WNT3A: variants seen among roughly 807,000 people sequenced by gnomAD.
WNT3A encodes the protein protein Wnt-3a.
A neutral mutation model predicts 37.0 loss-of-function variants in WNT3A; 17 were observed. The ratio of observed to expected loss-of-function variants is 0.46; its 90% CI spans 0.31 to 0.69. WNT3A has a LOEUF of 0.69. WNT3A is among the 30% of genes least tolerant of loss of function. WNT3A has a pLI of 0.05. For missense variants in WNT3A, 411 were observed against 510.2 expected (o/e 0.81, Z 1.87); for synonymous variants, 187 against 211.0 (o/e 0.89, Z 0.99).
At chr1:228,010,321 G>A (rs1298706393) in intron 1 of WNT3A, among the ~76,000 whole-genome samples, 1 of 152,074 alleles carries the variant, frequency 6.6e-6, no homozygotes, top group Non-Finnish European at 1.5e-5. Flanking sequence ...CTAGAGGTGG[G>A]CCTGTGCCTC....
chr1:228,029,318 G>A (rs2030939224), intron 2 of WNT3A, among the ~76,000 whole-genome samples: 2 of 152,224 alleles, frequency 1.3e-5, no homozygotes, highest in African/African-American at 2.4e-5. Context: ...GGAGCATCAA[G>A]GTCACCTTGG....
At chr1:228,029,748 C>A (rs536508366) in intron 2 of WNT3A, among the ~76,000 whole-genome samples, 7 of 151,500 alleles carry the variant, frequency 4.6e-5, no homozygotes, top group South Asian at 2.1e-4. Context: ...CCACCCCCCC[C>A]CCAATTCCTA....
intron 2 of WNT3A, among the ~76,000 whole-genome samples, chr1:228,043,588 T>C (rs1407631807): frequency 6.6e-6 from 1 of 152,192 alleles, no homozygotes; most frequent in Non-Finnish European, 1.5e-5. Context: ...ACAAAGGTGT[T>C]TGTGGTAGAG....
chr1:228,024,785 T>G (rs562162274), intron 2 of WNT3A, among the ~76,000 whole-genome samples: 21 of 152,354 alleles, frequency 1.4e-4, no homozygotes, highest in African/African-American at 5.1e-4. Context: ...TACTTTGAAG[T>G]ATTTAATCTA....
intron 1 of WNT3A, among the ~76,000 whole-genome samples, chr1:228,017,074 T>C (rs1279811760): frequency 1.3e-5 from 2 of 152,224 alleles, no homozygotes; most frequent in African/African-American, 4.8e-5. Context: ...CAGTGGCCCC[T>C]GGAGGCCAAC....
chr1:228,057,319 T>C (rs182887346), intron 3 of WNT3A, among the ~76,000 whole-genome samples: 28 of 152,272 alleles, frequency 1.8e-4, no homozygotes, highest in Admixed American at 1.0e-3. Context: ...CCACCCACCA[T>C]GGCTAGAGGC....
rs372028354 is a variant in WNT3A at position 228,038,638 on chromosome 1, C to T, written c.314-12018C>T. On this transcript the variant is annotated intron_variant, in intron 2 of 3. Transcript: ENST00000284523. The surrounding 1 kb of genome is among the most constrained non-coding windows in gnomAD (Gnocchi z 5.7). ...TGGGGGCAGCACCAGGAGGGAGGGA[C>T]CCAATGCATTCGGGGTGGCCACTGT... Among the ~76,000 whole-genome samples the T allele has an allele frequency of 3.3e-5, 5 of 152,158 alleles. No homozygotes were observed. Among genetic ancestry groups the T allele is most frequent in the African/African-American group, 9.7e-5 (4 of 41,436 alleles).
chr1:228,038,075 G>A lies in WNT3A; in HGVS notation c.314-12581G>A, dbSNP rs1042566333. 6.6e-5 allele frequency among the ~76,000 whole-genome samples: 10 copies of A among 151,954 alleles called. No individual in the cohort carries two copies. Among genetic ancestry groups the A allele is most frequent in the Non-Finnish European group, 1.3e-4 (9 of 67,936 alleles). ...GCGGGTCAGCACGGCGCCCGGCCGC[G>A]CGGGCCGCCCGGCGGTGTCAGGGGC... On this transcript the variant is annotated intron_variant, in intron 2 of 3. Transcript: ENST00000284523. This position sits in a 1 kb window ranked among gnomAD's most constrained non-coding sequence, Gnocchi z 5.7.
intron 1 of WNT3A, among the ~76,000 whole-genome samples, chr1:228,011,531 C>T (rs1229498233): frequency 6.6e-6 from 1 of 152,158 alleles, no homozygotes; most frequent in Admixed American, 6.5e-5. Context: ...CTGTCTGTCT[C>T]TCTCTCTTCC....
At chr1:228,018,758 A>G (rs1309468881) in intron 1 of WNT3A, among the ~76,000 whole-genome samples, 4 of 152,198 alleles carry the variant, frequency 2.6e-5, no homozygotes, top group Non-Finnish European at 5.9e-5. Flanking sequence ...CTGGTGGCCC[A>G]GTGAGCCTCC....
chr1:228,028,291 A>C (rs939583386), intron 2 of WNT3A, among the ~76,000 whole-genome samples: 3 of 112,814 alleles, frequency 2.7e-5, no homozygotes, highest in African/African-American at 9.9e-5. Context: ...GGTTACATAT[A>C]ATTTTTTTTT....
In WNT3A at chr1:228,007,268, C is replaced by A; in HGVS notation, c.71+69C>A. ...GCCCGCAGCAGACGGTCCCCTCGGGCAGGGACCCCGCGGTGGCCCGAGCCC... is the reference window on the plus strand; with the variant it reads ...GCCCGCAGCAGACGGTCCCCTCGGGAAGGGACCCCGCGGTGGCCCGAGCCC... On this transcript the variant is annotated intron_variant, in intron 1 of 3. Transcript: ENST00000284523. The surrounding 1 kb of genome is among the most constrained non-coding windows in gnomAD (Gnocchi z 6.0). 6.7e-7 allele frequency: 1 copy of A among 1,496,182 alleles called. No individual in the cohort carries two copies. The highest frequency in any genetic ancestry group is 9.1e-7 in the Non-Finnish European group (1 of 1,102,432). 92.7% of individuals were successfully genotyped at this position (1,496,182 alleles called of 1,614,324 possible). A position where few individuals can be genotyped will look rare whatever the true frequency, so the allele number is the denominator to read the frequency against.
intron 2 of WNT3A, among the ~76,000 whole-genome samples, chr1:228,044,551 A>G (rs2031359254): frequency 6.6e-6 from 1 of 152,172 alleles, no homozygotes; most frequent in Non-Finnish European, 1.5e-5. Flanking sequence ...TCTCCCGACA[A>G]TTAGATGCAG....
At chr1:228,029,374 G>T (rs182645883) in intron 2 of WNT3A, among the ~76,000 whole-genome samples, 12 of 152,324 alleles carry the variant, frequency 7.9e-5, no homozygotes, top group Admixed American at 5.9e-4. Flanking sequence ...ATCCACCCCA[G>T]GGTGGCTCAG....
Position 228,031,105 on chromosome 1 carries a change from G to A in WNT3A, c.313+8197G>A, listed in dbSNP as rs1558288696. ...ATGGCCACGCCCCAGCCCTCATCAC[G>A]GGCCTGTGTTCTTCAGGCGTGGGGA... On this transcript the variant is annotated intron_variant, in intron 2 of 3. Coordinates refer to ENST00000284523, the MANE Select transcript of WNT3A (RefSeq NM_033131.4). This position sits in a 1 kb window ranked among gnomAD's most constrained non-coding sequence, Gnocchi z 4.8. 1.3e-5 allele frequency among the ~76,000 whole-genome samples: 2 copies of A among 152,210 alleles called. No individual in the cohort carries two copies. Among genetic ancestry groups the A allele is most frequent in the African/African-American group, 2.4e-5 (1 of 41,468 alleles).
At chr1:228,018,487 G>A (rs1448149990) in intron 1 of WNT3A, among the ~76,000 whole-genome samples, 1 of 151,792 alleles carries the variant, frequency 6.6e-6, no homozygotes, top group African/African-American at 2.4e-5. Context: ...TGTCCTCCTG[G>A]GCTCAAGTGA....
chr1:228,037,691 C>G lies in WNT3A; in HGVS notation c.314-12965C>G, dbSNP rs530348232. 2.0e-3 allele frequency among the ~76,000 whole-genome samples: 302 copies of G among 152,308 alleles called. No individual in the cohort carries two copies. Among genetic ancestry groups the G allele is most frequent in the African/African-American group, 6.9e-3 (289 of 41,586 alleles). On this transcript the variant is annotated intron_variant, in intron 2 of 3. Coordinates refer to ENST00000284523, the MANE Select transcript of WNT3A (RefSeq NM_033131.4). This position sits in a 1 kb window ranked among gnomAD's most constrained non-coding sequence, Gnocchi z 4.1. Reference sequence around the variant, plus strand: ...GTTGGGGTGGGGGGCTCCCCTGGCTCCAGCGGCCTCTCTGGTATATCATTA... The same window carrying G: ...GTTGGGGTGGGGGGCTCCCCTGGCTGCAGCGGCCTCTCTGGTATATCATTA...
Position 228,038,733 on chromosome 1 carries a change from G to C in WNT3A, c.314-11923G>C, listed in dbSNP as rs2031203120. 6.6e-6 allele frequency among the ~76,000 whole-genome samples: 1 copy of C among 152,180 alleles called. No homozygotes were observed. Among genetic ancestry groups the C allele is most frequent in the Non-Finnish European group, 1.5e-5 (1 of 68,028 alleles). On this transcript the variant is annotated intron_variant, in intron 2 of 3. Coordinates refer to ENST00000284523, the MANE Select transcript of WNT3A (RefSeq NM_033131.4). The surrounding 1 kb of genome is among the most constrained non-coding windows in gnomAD (Gnocchi z 5.7). Reference sequence around the variant, plus strand: ...ATCATACAGGGTGCAGCGTGCACGGGGGGCTGTGTTCGCTGTGACCCTCCA... The same window carrying C: ...ATCATACAGGGTGCAGCGTGCACGGCGGGCTGTGTTCGCTGTGACCCTCCA...
intron 1 of WNT3A, among the ~76,000 whole-genome samples, chr1:228,015,000 G>A (rs893862167): frequency 3.3e-5 from 5 of 152,150 alleles, no homozygotes; most frequent in Admixed American, 1.3e-4. Context: ...CAAAACAAAC[G>A]ATTGTTAGGA....
Sources: allele counts gnomAD v4.1 joint callset (sites outside exome capture counted in the v4.1 genomes callset), GRCh38; gene constraint gnomAD v4.1.1; non-coding constraint Gnocchi (gnomAD v3.1); transcripts MANE v1.5; gene names NCBI Gene and HGNC (gene_info 2026-07-23, HGNC 2026-07-21).